SPECC1: variants seen among roughly 807,000 people sequenced by gnomAD.
SPECC1 encodes cytospin-B.
SPECC1 carries 62 observed loss-of-function variants against 104.1 expected under a neutral mutation model. The observed-to-expected ratio is 0.60, with a 90% CI of 0.49 to 0.74. The LOEUF is 0.74. Among genes scored for constraint, SPECC1 ranks in the 30% least tolerant of loss-of-function variants. SPECC1 has a pLI of 0.00. For missense variants in SPECC1, 1,306 were observed against 1,310.5 expected (o/e 1.00, Z 0.05); for synonymous variants, 513 against 501.6 (o/e 1.02, Z -0.30).
intron 1 of SPECC1, among the ~76,000 whole-genome samples, chr17:20,065,319 T>A (rs1427943563): frequency 6.6e-6 from 1 of 152,184 alleles, no homozygotes; most frequent in Non-Finnish European, 1.5e-5. Context: ...GCTGCCTCCT[T>A]CTCCAGTCAC....
At chr17:20,289,070 G>A (rs566361494) in intron 12 of SPECC1, among the ~76,000 whole-genome samples, 4 of 151,926 alleles carry the variant, frequency 2.6e-5, no homozygotes, top group Non-Finnish European at 4.4e-5. Context: ...GGCATGAGCC[G>A]CCGTGCCTGG....
chr17:20,236,399 C>G (rs1223278615), intron 7 of SPECC1, among the ~76,000 whole-genome samples: 1 of 151,250 alleles, frequency 6.6e-6, no homozygotes, highest in Non-Finnish European at 1.5e-5. Context: ...AGAGCTGTGT[C>G]TGCCTCCCTG....
At chr17:20,168,311 T>C (rs1220496932) in intron 3 of SPECC1, among the ~76,000 whole-genome samples, 1 of 152,182 alleles carries the variant, frequency 6.6e-6, no homozygotes, top group Non-Finnish European at 1.5e-5. Flanking sequence ...TGCAAAAATA[T>C]TATTATATAA....
At chr17:20,112,895 G>T in intron 3 of SPECC1, 1 of 1,566,954 alleles carries the variant, frequency 6.4e-7, no homozygotes, top group South Asian at 1.1e-5. Flanking sequence ...GTCTGGGTGT[G>T]ATCTTCAAGA....
intron 3 of SPECC1, among the ~76,000 whole-genome samples, chr17:20,186,552 G>A (rs746215015): frequency 2.6e-5 from 4 of 152,118 alleles, no homozygotes; most frequent in Non-Finnish European, 5.9e-5. Context: ...AATGGTTTAC[G>A]TGATTTTTGT....
intron 9 of SPECC1, among the ~76,000 whole-genome samples, chr17:20,250,684 C>A (rs540028814): frequency 6.6e-6 from 1 of 152,306 alleles, no homozygotes; most frequent in African/African-American, 2.4e-5. Flanking sequence ...GTCAATCTTA[C>A]GTAAATTCAG....
rs1486592798 is a variant in SPECC1, at chr17:20,110,511, A to G, written c.232A>G (p.Thr78Ala). Residue 78 changes from threonine (T) to alanine (A), a missense_variant, in exon 3 of 15, where the codon ACT becomes GCT. By Grantham distance (58) the Thr-to-Ala change is moderately conservative. Transcript: ENST00000395527. ...SGVVRLKKTA[T>A]AGAISELTES... is the part of the protein sequence containing the mutation. ...GGTGGTTCGCCTGAAGAAGACCGCC[A>G]CTGCCGGAGCCATCTCGGAGCTCAC... 5 of 1,613,968 alleles carry G rather than the reference A, an allele frequency of 3.1e-6. No homozygotes were observed. The South Asian group carries it at 4.4e-5, about 14-fold the overall frequency.
intron 3 of SPECC1, among the ~76,000 whole-genome samples, chr17:20,135,251 G>A (rs145730489): frequency 1.4e-4 from 22 of 152,248 alleles, no homozygotes; most frequent in Non-Finnish European, 2.6e-4. Flanking sequence ...CAGTACAGAT[G>A]GTCAGAGTAG....
rs532721561 is a variant in SPECC1, at chr17:20,276,977, G to A, written c.2940+16683G>A. Among the ~76,000 whole-genome samples, 178 of 152,350 alleles carry A rather than the reference G, an allele frequency of 1.2e-3. 1 individual carries two copies. The highest frequency in any genetic ancestry group is 4.1e-3 in the African/African-American group (172 of 41,586). On this transcript the variant is annotated intron_variant, in intron 12 of 14. Coordinates refer to ENST00000395527, the MANE Select transcript of SPECC1 (RefSeq NM_001243439.2). ...GCCACTGTCACCAGGGGAGCAGCCC[G>A]AAGTCAGGGCCGTACCTGGGAACAA...
intron 7 of SPECC1, among the ~76,000 whole-genome samples, chr17:20,240,060 A>ATTTTTTTTTTTTTTTTT (rs748689632): frequency 3.1e-5 from 1 of 32,180 alleles, no homozygotes; most frequent in South Asian, 2.3e-3. Flanking sequence ...TGTCCAGCTA[A>ATTTTTTTTTTTTTTTTT]TTTTTTTTTT....
intron 3 of SPECC1, among the ~76,000 whole-genome samples, chr17:20,126,019 GGT>G (rs1254240996): frequency 1.3e-5 from 2 of 152,134 alleles, no homozygotes; most frequent in Non-Finnish European, 2.9e-5. Flanking sequence ...AGCTCTCCTG[GGT>G]CCTCCCTGGG....
intron 3 of SPECC1, among the ~76,000 whole-genome samples, chr17:20,129,352 ATT>A (rs1031512728): frequency 6.6e-6 from 1 of 150,908 alleles, no homozygotes. Flanking sequence ...CGCCCAGCTA[ATT>A]TTTTTGTATT....
intron 1 of SPECC1, among the ~76,000 whole-genome samples, chr17:20,047,798 C>T (rs920434391): frequency 1.8e-4 from 27 of 151,488 alleles, no homozygotes; most frequent in African/African-American, 1.5e-4. Flanking sequence ...GGGGTTTCAC[C>T]GTGTTAGCCA....
intron 11 of SPECC1, 89 bp from the exon 12 acceptor site, chr17:20,260,103 T>A: frequency 9.5e-7 from 1 of 1,047,412 alleles, no homozygotes; most frequent in Non-Finnish European, 1.4e-6. Context: ...AGACTTTTGC[T>A]TTTCTAAAGT....
intron 8 of SPECC1, among the ~76,000 whole-genome samples, 190 bp downstream of exon 8, chr17:20,246,261 G>T (rs1459986599): frequency 6.6e-6 from 1 of 152,204 alleles, no homozygotes; most frequent in Admixed American, 6.5e-5. Flanking sequence ...CTGATGGAGA[G>T]CCTGGCTCAT....
intron 5 of SPECC1, among the ~76,000 whole-genome samples, chr17:20,231,336 G>A (rs1224040732): frequency 6.6e-6 from 1 of 152,184 alleles, no homozygotes. Flanking sequence ...AATCACAGGA[G>A]GAATAAGCAT....
At chr17:20,025,368 T>G (rs1347737769) in intron 1 of SPECC1, among the ~76,000 whole-genome samples, 1 of 152,238 alleles carries the variant, frequency 6.6e-6, no homozygotes, top group Non-Finnish European at 1.5e-5. Context: ...GGGAAAGTAG[T>G]GTACTACCTG....
At chr17:20,235,337 T>C (rs1372098411) in intron 7 of SPECC1, among the ~76,000 whole-genome samples, 1 of 152,204 alleles carries the variant, frequency 6.6e-6, no homozygotes, top group East Asian at 1.9e-4. Flanking sequence ...TCTGTTTCAT[T>C]GGACACATAT....
At chr17:20,134,457 T>C (rs1412902410) in intron 3 of SPECC1, among the ~76,000 whole-genome samples, 1 of 151,828 alleles carries the variant, frequency 6.6e-6, no homozygotes, top group East Asian at 1.9e-4. Flanking sequence ...GCTGACCCCT[T>C]GCCCTGGGAA....
Sources: gnomAD v4.1 joint callset for allele counts (sites outside exome capture counted in the v4.1 genomes callset) on GRCh38, gnomAD v4.1.1 for gene constraint, MANE v1.5 for transcripts, NCBI Gene and HGNC (gene_info 2026-07-23, HGNC 2026-07-21) for gene names.